Variants in PTH2R observed in about 807,000 individuals in gnomAD.
The protein encoded by PTH2R is PTH2 receptor.
Under a neutral mutation model 60.3 loss-of-function variants are expected in PTH2R, and 59 were observed. The ratio of observed to expected loss-of-function variants is 0.98; its 90% CI spans 0.79 to 1.22. The LOEUF (loss-of-function observed/expected upper bound fraction) is 1.22, where lower values mean the gene tolerates loss of function less well. PTH2R is among the 50% of genes most tolerant of loss of function. The pLI is 0.00. For synonymous variants in PTH2R, 256 were observed against 243.8 expected (o/e 1.05, Z -0.47); for missense variants, 749 against 682.6 (o/e 1.10, Z -1.08).
chr2:208,452,302 G>A (rs1056303906), intron 8 of PTH2R, among the ~76,000 whole-genome samples: 2 of 152,124 alleles, frequency 1.3e-5, no homozygotes, highest in Non-Finnish European at 2.9e-5. Flanking sequence ...GATAATGTAT[G>A]TAAAATAACT....
At chr2:208,369,694 G>T (rs891354178) in intron 1 of PTH2R, among the ~76,000 whole-genome samples, 1 of 151,976 alleles carries the variant, frequency 6.6e-6, no homozygotes, top group African/African-American at 2.4e-5. Context: ...ATATATAAAA[G>T]GTTCCCACCT....
intron 9 of PTH2R, among the ~76,000 whole-genome samples, chr2:208,468,731 C>A (rs1032482331): frequency 5.9e-5 from 9 of 152,304 alleles, no homozygotes; most frequent in Admixed American, 4.6e-4. Context: ...CTACAGGGCA[C>A]AGAAAGGCTT....
chr2:208,365,950 ATATATATATATTTTTTTTTTTTT>A (rs1206502791), intron 1 of PTH2R, among the ~76,000 whole-genome samples: 1 of 16,774 alleles, frequency 6.0e-5, no homozygotes, highest in East Asian at 1.7e-3. Context: ...ATATATATAT[ATATATATATATTTTTTTTTTTTT>A]TTTTTTTTTT....
At chr2:208,386,251 C>G (rs1297306878) in intron 1 of PTH2R, among the ~76,000 whole-genome samples, 3 of 152,184 alleles carry the variant, frequency 2.0e-5, no homozygotes, top group Non-Finnish European at 4.4e-5. Flanking sequence ...TACGTGTATA[C>G]ATCTGTCACT....
intron 1 of PTH2R, among the ~76,000 whole-genome samples, chr2:208,374,694 T>C (rs749020910): frequency 4.0e-5 from 6 of 151,768 alleles, no homozygotes; most frequent in Non-Finnish European, 7.4e-5. Flanking sequence ...TTAGTAGAGA[T>C]GGGGTTTCGC....
At chr2:208,435,380 T>C (rs1240713659) in intron 2 of PTH2R, among the ~76,000 whole-genome samples, 1 of 152,170 alleles carries the variant, frequency 6.6e-6, no homozygotes, top group East Asian at 1.9e-4. Flanking sequence ...ACTTTGCAGA[T>C]GGAATTAAGG....
intron 1 of PTH2R, among the ~76,000 whole-genome samples, chr2:208,378,193 A>C (rs1431528372): frequency 1.3e-5 from 2 of 151,844 alleles, no homozygotes; most frequent in African/African-American, 4.8e-5. Context: ...CAACACAGCG[A>C]AACCCTGTCT....
upstream of PTH2R, among the ~76,000 whole-genome samples, chr2:208,406,507 CACGCAGG>C (rs1701409366): frequency 6.6e-6 from 1 of 152,178 alleles, no homozygotes; most frequent in African/African-American, 2.4e-5. Context: ...ATGGTCAGCG[CACGCAGG>C]ACAGGAAGAA....
chr2:208,453,494 T>C (rs930714488), intron 8 of PTH2R, among the ~76,000 whole-genome samples: 9 of 152,218 alleles, frequency 5.9e-5, no homozygotes, highest in Admixed American at 6.5e-5. Context: ...TTTCTCTAAA[T>C]GTGCAAGTGT....
chr2:208,488,133 G>T (rs536664501), intron 10 of PTH2R, among the ~76,000 whole-genome samples: 2 of 152,238 alleles, frequency 1.3e-5, no homozygotes, highest in East Asian at 1.9e-4. Flanking sequence ...GTAGAAAGAG[G>T]CAGTTAAGGA....
At chr2:208,468,430 A>G (rs996988805) in intron 9 of PTH2R, among the ~76,000 whole-genome samples, 4 of 152,138 alleles carry the variant, frequency 2.6e-5, no homozygotes, top group Non-Finnish European at 4.4e-5. Context: ...TTCAGCATCA[A>G]TGTCCCTACC....
At chr2:208,450,161 C>T (rs903255242) in intron 7 of PTH2R, among the ~76,000 whole-genome samples, 2 of 152,120 alleles carry the variant, frequency 1.3e-5, no homozygotes, top group South Asian at 2.1e-4. Flanking sequence ...ACAAATATCT[C>T]GCGCTCAAAT....
intron 9 of PTH2R, among the ~76,000 whole-genome samples, chr2:208,471,654 C>T (rs1176001917): frequency 6.6e-6 from 1 of 152,264 alleles, no homozygotes; most frequent in Non-Finnish European, 1.5e-5. Flanking sequence ...TGGAGAACCT[C>T]TGCCAGGGCA....
At chr2:208,433,241 G>A (rs961067552) in intron 2 of PTH2R, among the ~76,000 whole-genome samples, 1 of 152,152 alleles carries the variant, frequency 6.6e-6, no homozygotes, top group Non-Finnish European at 1.5e-5. Context: ...CACTTCCTTC[G>A]AGATCGTTAT....
intron 1 of PTH2R, among the ~76,000 whole-genome samples, chr2:208,414,030 C>A (rs1447133430): frequency 6.6e-6 from 1 of 152,102 alleles, no homozygotes; most frequent in African/African-American, 2.4e-5. Flanking sequence ...CTTAGTGCAC[C>A]TAATGGGAAA....
Position 208,450,822 on chromosome 2 carries a change from G to A in PTH2R, c.914+13G>A. On this transcript the variant is annotated intron_variant, in intron 8 of 12. Coordinates refer to ENST00000272847, the MANE Select transcript of PTH2R (RefSeq NM_005048.4). ...TGGCTGATGCGAGGTGAGTGAAAAG[G>A]CAGGGGAAACGAGAGAACCTCAGAT... is the stretch of plus-strand genomic sequence containing the variant. 1.9e-6 allele frequency: 3 copies of A among 1,613,308 alleles called. No individual in the cohort carries two copies. The highest frequency in any genetic ancestry group is 2.5e-6 in the Non-Finnish European group (3 of 1,179,298).
intron 1 of PTH2R, among the ~76,000 whole-genome samples, chr2:208,426,134 C>T (rs1219108854): frequency 6.6e-6 from 1 of 152,090 alleles, no homozygotes; most frequent in Non-Finnish European, 1.5e-5. Flanking sequence ...ATTTTCATGT[C>T]TTGACATTAA....
rs543911558 is a variant in PTH2R at position 208,453,648 on chromosome 2, A to G, written c.914+2839A>G. 6.6e-5 allele frequency among the ~76,000 whole-genome samples: 10 copies of G among 152,262 alleles called. No homozygotes were observed. The South Asian group carries it at 2.1e-3, about 32-fold the overall frequency. Reference sequence around the variant, plus strand: ...TTTTTTCTCTCTTTGCTCCATATCTATTAAGCAATGATAAAGTTTGAGTTA... The same window carrying G: ...TTTTTTCTCTCTTTGCTCCATATCTGTTAAGCAATGATAAAGTTTGAGTTA... On this transcript the variant is annotated intron_variant, in intron 8 of 12. Transcript: ENST00000272847.
chr2:208,365,817 C>T (rs1307528231), intron 1 of PTH2R, among the ~76,000 whole-genome samples: 1 of 144,360 alleles, frequency 6.9e-6, no homozygotes, highest in Non-Finnish European at 1.5e-5. Flanking sequence ...TAGCTCACTG[C>T]AGCCTCTAAC....
Sources: gnomAD v4.1 joint callset for allele counts (sites outside exome capture counted in the v4.1 genomes callset) on GRCh38, gnomAD v4.1.1 for gene constraint, MANE v1.5 for transcripts, NCBI Gene and HGNC (gene_info 2026-07-23, HGNC 2026-07-21) for gene names.